The following IL9R variants were observed in gnomAD, a reference collection of about 807,000 sequenced individuals.
IL9R encodes interleukin 9 receptor.
A neutral mutation model predicts 56.3 loss-of-function variants in IL9R; 54 were observed. That is an observed-to-expected ratio of 0.96 (90% confidence interval 0.77 to 1.20). The LOEUF (loss-of-function observed/expected upper bound fraction) is 1.20. Ranked by LOEUF, IL9R falls within the 50% of genes most tolerant of loss-of-function variation. IL9R has a pLI of 0.00. For synonymous variants in IL9R, 212 were observed against 250.2 expected, an observed-to-expected ratio of 0.85 and a Z score of 1.44; for missense variants, 545 against 629.8, an observed-to-expected ratio of 0.87 and a Z score of 1.44.
chrX:155,999,913 G>T (rs2067397560), intron 1 of IL9R, among the ~76,000 whole-genome samples: 1 of 152,082 alleles, frequency 6.6e-6, no homozygotes, highest in Non-Finnish European at 1.5e-5. Flanking sequence ...ATCACTTGAG[G>T]CCAGGAGTAC....
At position 156,010,083 on chromosome X, in the gene IL9R, G is replaced by A; in HGVS notation, c.1240G>A (p.Ala414Thr). ...TLAYLPQEDW[A>T]PTSLTRPAPP... ...TGCCTATCTGCCACAGGAGGACTGG[G>A]CCCCCACGTCCCTGACTAGGCCGGC... Residue 414 changes from alanine (A) to threonine (T), a missense_variant, in exon 9 of 9, where the codon GCC becomes ACC. This residue lies in a region of IL9R where 114 missense variants were observed against 269.8 expected (regional missense o/e 0.42). Coordinates refer to ENST00000244174, the MANE Select transcript of IL9R (RefSeq NM_002186.3). The A allele has an allele frequency of 2.5e-6, 4 of 1,584,644 alleles. No individual in the cohort carries two copies. The highest frequency in any genetic ancestry group is 3.4e-6 in the Non-Finnish European group (4 of 1,176,444).
intron 1 of IL9R, among the ~76,000 whole-genome samples, chrX:155,999,394 G>T (rs1421970628): frequency 2.0e-5 from 3 of 152,112 alleles, no homozygotes; most frequent in Admixed American, 2.0e-4. Context: ...AAGTGTGTGG[G>T]AAATGCTTCT....
chrX:155,998,015 G>T (rs997141219), intron 1 of IL9R, among the ~76,000 whole-genome samples: 1 of 152,128 alleles, frequency 6.6e-6, no homozygotes, highest in Admixed American at 6.5e-5. Flanking sequence ...TCCTGTAGGG[G>T]TCATGGGTTC....
intron 1 of IL9R, among the ~76,000 whole-genome samples, chrX:155,999,388 G>C (rs2067357652): frequency 6.6e-6 from 1 of 152,112 alleles, no homozygotes; most frequent in African/African-American, 2.4e-5. Context: ...CTCTGAAAGT[G>C]TGTGGGAAAT....
At chrX:156,011,611 C>T (rs1221354386), downstream of IL9R, among the ~76,000 whole-genome samples, 2 of 103,416 alleles carry the variant, frequency 1.9e-5, no homozygotes, top group Non-Finnish European at 3.4e-5. Context: ...ACATACGTTG[C>T]ATGATCAGAA....
rs1358114481 is a variant in IL9R, at chrX:156,003,914, G to T, written c.433+59G>T. The T allele has an allele frequency of 1.1e-5, 17 of 1,578,610 alleles. No individual in the cohort carries two copies. The African/African-American group carries it at 1.8e-4, about 16-fold the overall frequency. On this transcript the variant is annotated intron_variant, in intron 4 of 8. Transcript: ENST00000244174. ...CTTGGCAAGAACATCCTGGCTGCTT[G>T]GGGGTTTGGAGCAGGGCCTTGCAGC...
At chrX:156,008,673 T>C (rs182885904) in intron 8 of IL9R, among the ~76,000 whole-genome samples, 199 of 152,246 alleles carry the variant, frequency 1.3e-3, no homozygotes, top group African/African-American at 4.7e-3. Context: ...TGCCATAGGT[T>C]GGTCTCCAGG....
At chrX:156,000,500 C>T (rs187488200) in intron 1 of IL9R, among the ~76,000 whole-genome samples, 5 of 152,244 alleles carry the variant, frequency 3.3e-5, no homozygotes, top group Admixed American at 1.3e-4. Flanking sequence ...AGATCCAAGG[C>T]GGGATAGGCT....
chrX:156,000,753 G>A (rs371122077), intron 1 of IL9R, among the ~76,000 whole-genome samples: 72 of 152,330 alleles, frequency 4.7e-4, no homozygotes, highest in African/African-American at 1.5e-3. Context: ...AGGCAGCTCT[G>A]CCTGCAGCTC....
chrX:156,009,375 CTG>C (rs1306365573), intron 8 of IL9R, among the ~76,000 whole-genome samples: 13 of 129,720 alleles, frequency 1.0e-4, no homozygotes, highest in Non-Finnish European at 1.9e-4. Flanking sequence ...CTGTGTGTAT[CTG>C]TGTGTGTTTG....
At chrX:156,005,556 C>A in intron 6 of IL9R, 77 bp downstream of exon 6, 4 of 1,198,446 alleles carry the variant, frequency 3.3e-6, no homozygotes, top group Non-Finnish European at 4.9e-6. Context: ...CTCAGCCCTG[C>A]ACCCTTTCAC....
At chrX:156,001,385 CT>C in intron 1 of IL9R, 2 of 1,513,998 alleles carry the variant, frequency 1.3e-6, no homozygotes, top group Non-Finnish European at 1.8e-6. Context: ...GGCTGACTGC[CT>C]TCCCCATTCC....
chrX:156,000,513 G>A (rs997379770), intron 1 of IL9R, among the ~76,000 whole-genome samples: 2 of 152,192 alleles, frequency 1.3e-5, no homozygotes, highest in African/African-American at 4.8e-5. Flanking sequence ...GATAGGCTGT[G>A]CTGGGCAGTG....
chrX:156,010,013 G>C lies in IL9R; in HGVS notation c.1170G>C (p.Glu390Asp), dbSNP rs372310092. 2 of 1,555,636 alleles carry C rather than the reference G, an allele frequency of 1.3e-6. No homozygotes were observed. Among genetic ancestry groups the C allele is most frequent in the South Asian group, 2.3e-5 (2 of 87,732 alleles). ...GTRLPGNLSS[E>D]DVLPAGCTEW... Reference sequence around the variant, plus strand: ...GGCTCCCGGGGAACCTGAGCTCAGAGGATGTGCTGCCAGCAGGGTGTACGG... The same window carrying C: ...GGCTCCCGGGGAACCTGAGCTCAGACGATGTGCTGCCAGCAGGGTGTACGG... Residue 390 changes from glutamate (E) to aspartate (D), a missense_variant, in exon 9 of 9, where the codon GAG (glutamate) becomes GAC (aspartate). Around this residue, in one of 2 missense-constraint regions of IL9R, gnomAD observed 114 missense variants for 269.8 expected, o/e 0.42. Transcript: ENST00000244174.
chrX:156,009,735 G>C (rs2124564619), intron 8 of IL9R, 81 bp from the exon 9 acceptor site: 1 of 702,452 alleles, frequency 1.4e-6, no homozygotes, highest in Non-Finnish European at 2.0e-6. Context: ...TGCTGGGCTT[G>C]CCAGAAAGGA....
chrX:156,005,244 C>A (rs369119453), intron 5 of IL9R, 34 bp from the exon 6 acceptor site: 25 of 1,597,618 alleles, frequency 1.6e-5, no homozygotes, highest in Non-Finnish European at 2.1e-5. Flanking sequence ...CCAGCCCCAC[C>A]TTCACCACCT....
intron 1 of IL9R, among the ~76,000 whole-genome samples, chrX:155,998,701 G>T (rs1336087919): frequency 6.6e-6 from 1 of 152,036 alleles, no homozygotes; most frequent in Non-Finnish European, 1.5e-5. Context: ...CAGAAGCAAG[G>T]GCAGCCTCTG....
At position 156,001,540 on chromosome X, in the gene IL9R, G is replaced by A. The variant is rs748459093; in HGVS notation, c.29-1366G>A. On this transcript the variant is annotated intron_variant, in intron 1 of 8. Transcript: ENST00000244174. ...CTTCCTGATCATCAGTCTTAACAGG[G>A]GACTGTCCTATGGGTACCTGTATAC... 10 of 1,426,506 alleles carry A rather than the reference G, an allele frequency of 7.0e-6. No individual in the cohort carries two copies. The East Asian group carries it at 1.8e-4, about 26-fold the overall frequency. The allele number at this position is 1,426,506 out of a possible 1,614,324, so 88.4% of individuals were successfully genotyped here.
intron 4 of IL9R, 99 bp from the exon 5 acceptor site, chrX:156,004,321 A>G (rs2067755043): frequency 7.7e-7 from 1 of 1,295,154 alleles, no homozygotes; most frequent in Admixed American, 1.8e-5. Flanking sequence ...GGCCTTGACC[A>G]TTCCCCTTGG....
Sources: allele counts gnomAD v4.1 joint callset (sites outside exome capture counted in the v4.1 genomes callset), GRCh38; gene constraint gnomAD v4.1.1; regional missense constraint gnomAD v4.1.1; transcripts MANE v1.5; gene names NCBI Gene and HGNC (gene_info 2026-07-23, HGNC 2026-07-21).